PRKCB: variants seen among roughly 807,000 people sequenced by gnomAD.
PRKCB encodes the protein protein kinase C beta, also known as protein kinase C beta type.
In PRKCB, 13 loss-of-function variants were observed where a neutral mutation model predicts 81.5. The observed-to-expected ratio is 0.16, with a 90% CI of 0.10 to 0.25. The LOEUF is 0.25. Among genes scored for constraint, PRKCB ranks in the 10% least tolerant of loss-of-function variants. PRKCB has a pLI of 1.00. For missense variants in PRKCB, 509 were observed against 875.7 expected (o/e 0.58, Z 5.29); for synonymous variants, 335 against 321.4 (o/e 1.04, Z -0.45).
At chr16:23,925,364 A>G (rs1019844179) in intron 2 of PRKCB, among the ~76,000 whole-genome samples, 3 of 151,946 alleles carry the variant, frequency 2.0e-5, no homozygotes, top group African/African-American at 7.3e-5. Flanking sequence ...GCTCTTTCAG[A>G]CCTGACTGGT....
chr16:24,163,240 A>G (rs1314274160), intron 10 of PRKCB, among the ~76,000 whole-genome samples: 2 of 152,200 alleles, frequency 1.3e-5, no homozygotes, highest in African/African-American at 4.8e-5. Flanking sequence ...GAGAGGCACC[A>G]TCTTGAGTCC....
In PRKCB at chr16:24,021,565, G is replaced by A. The variant is rs541174603; in HGVS notation, c.289-10571G>A. 2.2e-4 allele frequency among the ~76,000 whole-genome samples: 34 copies of A among 152,012 alleles called. No homozygotes were observed. In the South Asian group the frequency reaches 5.8e-3, roughly 26 times the overall value. On this transcript the variant is annotated intron_variant, in intron 3 of 16. Coordinates refer to ENST00000643927, the MANE Select transcript of PRKCB (RefSeq NM_002738.7). Reference sequence around the variant, plus strand: ...GTGCTGAATTTGTGTGAGATGAAGAGTGTTATTGTCTATAACCCCCGTGTT... The same window carrying A: ...GTGCTGAATTTGTGTGAGATGAAGAATGTTATTGTCTATAACCCCCGTGTT...
At chr16:23,908,757 A>T (rs1353784752) in intron 2 of PRKCB, among the ~76,000 whole-genome samples, 1 of 151,708 alleles carries the variant, frequency 6.6e-6, no homozygotes, top group Non-Finnish European at 1.5e-5. Flanking sequence ...TGACCTCATG[A>T]TCCAGCCGCC....
intron 2 of PRKCB, among the ~76,000 whole-genome samples, chr16:23,956,518 G>GAACA (rs1180498306): frequency 1.3e-5 from 2 of 152,124 alleles, no homozygotes; most frequent in African/African-American, 4.8e-5. Context: ...GTGCAACAGT[G>GAACA]AACACTCTTG....
chr16:24,182,384 A>T (rs1051464011), intron 13 of PRKCB, among the ~76,000 whole-genome samples: 1 of 152,080 alleles, frequency 6.6e-6, no homozygotes, highest in African/African-American at 2.4e-5. Context: ...CGCCAGGTGC[A>T]CTAGGTCACC....
chr16:23,880,000 G>A (rs970043775), intron 2 of PRKCB, among the ~76,000 whole-genome samples: 2 of 152,174 alleles, frequency 1.3e-5, no homozygotes, highest in African/African-American at 2.4e-5. Context: ...TGTGAAAATC[G>A]AGTGAGTATG....
At chr16:23,944,730 C>A (rs1324628955) in intron 2 of PRKCB, among the ~76,000 whole-genome samples, 1 of 152,214 alleles carries the variant, frequency 6.6e-6, no homozygotes. Flanking sequence ...GGTTGGGAGA[C>A]TGGTCTCAAT....
Position 23,850,506 on chromosome 16 carries a change from C to T in PRKCB, c.205+13100C>T, listed in dbSNP as rs551623662. ...TCGGCCTCCCAAGCAGCTGGGATTA[C>T]GGGCATGCACCACCACGCCTGGCTA... On this transcript the variant is annotated intron_variant, in intron 2 of 16. Coordinates refer to ENST00000643927, the MANE Select transcript of PRKCB (RefSeq NM_002738.7). Among the ~76,000 whole-genome samples the T allele has an allele frequency of 5.9e-5, 9 of 152,200 alleles. No individual in the cohort carries two copies. The South Asian group carries it at 1.0e-3, about 18-fold the overall frequency.
intron 2 of PRKCB, among the ~76,000 whole-genome samples, chr16:23,884,118 G>A (rs1963163791): frequency 6.6e-6 from 1 of 152,152 alleles, no homozygotes; most frequent in African/African-American, 2.4e-5. Context: ...AGCCACATAT[G>A]GCTAGTGGTT....
chr16:23,879,562 C>T (rs530410407), intron 2 of PRKCB, among the ~76,000 whole-genome samples: 1 of 139,628 alleles, frequency 7.2e-6, no homozygotes, highest in East Asian at 2.1e-4. Flanking sequence ...AGCATGATCT[C>T]AGCTCACTGC....
chr16:24,094,100 C>A (rs1222330575), intron 6 of PRKCB, 63 bp from the exon 7 acceptor site: 2 of 1,559,186 alleles, frequency 1.3e-6, no homozygotes, highest in South Asian at 2.4e-5. Flanking sequence ...TCCTCTTGTA[C>A]ATTTATTCTG....
intron 2 of PRKCB, among the ~76,000 whole-genome samples, chr16:23,846,813 T>C (rs896260215): frequency 1.3e-5 from 2 of 152,054 alleles, no homozygotes; most frequent in African/African-American, 4.8e-5. Context: ...GGATGCTCAG[T>C]GTTCCTGAAG....
At chr16:24,081,419 T>G (rs1008854430) in intron 5 of PRKCB, among the ~76,000 whole-genome samples, 3 of 152,234 alleles carry the variant, frequency 2.0e-5, no homozygotes, top group Non-Finnish European at 4.4e-5. Flanking sequence ...GGAACTTTCT[T>G]GATCCAATAA....
chr16:23,990,962 A>G (rs1410818226), intron 3 of PRKCB, among the ~76,000 whole-genome samples: 10 of 152,196 alleles, frequency 6.6e-5, no homozygotes, highest in Non-Finnish European at 1.2e-4. Flanking sequence ...CAATGCAGCC[A>G]TCACCCCTAG....
rs1221180009 is a variant in PRKCB, at chr16:23,837,404, A to G, written c.203A>G (p.Gln68Arg). The G allele has an allele frequency of 6.2e-7, 1 of 1,612,694 alleles. No individual in the cohort carries two copies. The highest frequency in any genetic ancestry group is 8.5e-7 in the Non-Finnish European group (1 of 1,179,408). The change falls in exon 2 of 17, where the codon CAA (glutamine) becomes CGA (arginine). Residue 68 changes from glutamine (Q) to arginine (R), a missense_variant and splice_region_variant. Gln to Arg is a conservative substitution (Grantham distance 43). This residue lies in a region of PRKCB where 184 missense variants were observed against 362.9 expected (regional missense o/e 0.51). Coordinates refer to ENST00000643927, the MANE Select transcript of PRKCB (RefSeq NM_002738.7). ...TTCGGGAAGCAGGGATTCCAGTGCC[A>G]AGGTAGGCTCTGGGGCTTTGGGGAT... ...WGFGKQGFQC[Q>R]VCCFVVHKRC...
At chr16:24,153,169 C>A (rs372630) in intron 9 of PRKCB, among the ~76,000 whole-genome samples, 1 of 151,950 alleles carries the variant, frequency 6.6e-6, no homozygotes, top group African/African-American at 2.4e-5. Context: ...TTCTATATGT[C>A]ACCCCTTCTA....
At chr16:23,865,511 ATATATATGTGTGTG>A in intron 2 of PRKCB, among the ~76,000 whole-genome samples, 1 of 11,706 alleles carries the variant, frequency 8.5e-5, no homozygotes, top group Non-Finnish European at 1.4e-4. Flanking sequence ...ATATATATAT[ATATATATGTGTGTG>A]TGTGTGTGTG....
intron 3 of PRKCB, among the ~76,000 whole-genome samples, chr16:24,030,531 T>C (rs545140397): frequency 1.4e-4 from 22 of 152,172 alleles, no homozygotes; most frequent in African/African-American, 5.1e-4. Context: ...AACAGTCTTA[T>C]AAGGAGAGCA....
chr16:24,175,395 G>A (rs1967512460), intron 12 of PRKCB, among the ~76,000 whole-genome samples: 1 of 151,378 alleles, frequency 6.6e-6, no homozygotes, highest in South Asian at 2.1e-4. Flanking sequence ...GCACTCTTCT[G>A]GGTGGTGGGC....
Sources: gnomAD v4.1 joint callset for allele counts (sites outside exome capture counted in the v4.1 genomes callset) on GRCh38, gnomAD v4.1.1 for gene constraint, gnomAD v4.1.1 regional missense constraint, MANE v1.5 for transcripts, NCBI Gene and HGNC (gene_info 2026-07-23, HGNC 2026-07-21) for gene names.